DNAH8: variants seen among roughly 807,000 people sequenced by gnomAD.
DNAH8 encodes dynein axonemal heavy chain 8.
DNAH8 carries 382 observed loss-of-function variants against 562.1 expected under a neutral mutation model. That is an observed-to-expected ratio of 0.68 (90% CI 0.63 to 0.74). The LOEUF is 0.74. Ranked by LOEUF, DNAH8 falls within the 30% of genes least tolerant of loss-of-function variation. The pLI, the probability that DNAH8 is intolerant of heterozygous loss-of-function variation, is 0.00. For synonymous variants in DNAH8, 1,881 were observed against 1,919.4 expected (o/e 0.98, Z 0.52); for missense variants, 5,203 against 5,620.4 (o/e 0.93, Z 2.37).
At position 38,929,499 on chromosome 6, in the gene DNAH8, C is replaced by A. The variant is rs370228349; in HGVS notation, c.11119-12C>A. On this transcript the variant is annotated splice_polypyrimidine_tract_variant and intron_variant, in intron 74 of 92. Coordinates refer to ENST00000327475, the MANE Select transcript of DNAH8 (RefSeq NM_001206927.2). ...TGTAACACAGATAGACCAATGAGTT[C>A]TTTCTGTTTAGGTGACATCTCTGAA... 37 of 1,602,910 alleles carry A rather than the reference C, an allele frequency of 2.3e-5. No homozygotes were observed. Among genetic ancestry groups the A allele is most frequent in the Non-Finnish European group, 5.1e-6 (6 of 1,174,864 alleles).
chr6:38,862,439 C>T lies in DNAH8; in HGVS notation c.6291C>T (p.Gly2097=), dbSNP rs777408943. Residue 2097 remains glycine (G), a synonymous_variant, in exon 44 of 93, where the codon GGC becomes GGT. Transcript: ENST00000327475. ...GCTCAGATCAAATGGATTTCAGAGG[C>T]CTAGGAAGGATTTTCAAAGGCAAGT... ...FNCSDQMDFR[G]LGRIFKGLAQ... is the part of the protein sequence containing the mutation. 21 of 1,607,098 alleles carry T rather than the reference C, an allele frequency of 1.3e-5. No individual in the cohort carries two copies. Among genetic ancestry groups the T allele is most frequent in the Non-Finnish European group, 1.8e-5 (21 of 1,177,534 alleles).
At position 38,886,274 on chromosome 6, in the gene DNAH8, C is replaced by T. The variant is rs557529505; in HGVS notation, c.8260-517C>T. On this transcript the variant is annotated intron_variant, in intron 56 of 92. Transcript: ENST00000327475. ...AGATGGACCTGGAAAAAAAACAAGC[C>T]TCTGAAACCAAGAGAGGTAACATTT... Among the ~76,000 whole-genome samples the T allele has an allele frequency of 3.9e-5, 6 of 152,138 alleles. No individual in the cohort carries two copies. In the East Asian group the frequency reaches 1.2e-3, roughly 29 times the overall value.
At chr6:39,014,750 C>T (rs1320728278) in intron 91 of DNAH8, among the ~76,000 whole-genome samples, 1 of 152,036 alleles carries the variant, frequency 6.6e-6, no homozygotes, top group African/African-American at 2.4e-5. Context: ...AACAGGGAGA[C>T]CAGTGTGGCC....
At position 38,786,811 on chromosome 6, in the gene DNAH8, G is replaced by A. The variant is rs762609369; in HGVS notation, c.2442G>A (p.Leu814=). ...TGCGACATCCAGAAACAGGGAAGTT[G>A]CTGGTTAATTTCGATCCCAAAATTT... ...LFVRHPETGK[L]LVNFDPKILE... The change falls in exon 18 of 93, where the codon TTG becomes TTA. Residue 814 remains leucine, a synonymous_variant. Transcript: ENST00000327475. The A allele has an allele frequency of 1.2e-6, 2 of 1,612,602 alleles. No individual in the cohort carries two copies. Among genetic ancestry groups the A allele is most frequent in the African/African-American group, 1.3e-5 (1 of 74,836 alleles).
At chr6:38,779,920 A>G in intron 14 of DNAH8, 46 bp from the exon 15 acceptor site, 2 of 1,533,926 alleles carry the variant, frequency 1.3e-6, no homozygotes, top group South Asian at 2.3e-5. Context: ...AGTCTTAAGT[A>G]TATTTCTCAT....
At position 38,851,714 on chromosome 6, in the gene DNAH8, C is replaced by T. The variant is rs79589395; in HGVS notation, c.5466+40C>T. ...TCTGTGATCTAACTTGCTTTTCCCA[C>T]GACATACACAATGAAGAATAAAAGT... On this transcript the variant is annotated intron_variant, in intron 39 of 92. Transcript: ENST00000327475. 17,552 of 1,243,000 alleles carry T rather than the reference C, an allele frequency of 0.014. 843 individuals carry two copies. The highest frequency in any genetic ancestry group is 0.13 in the East Asian group (5,748 of 43,084). 77.0% of individuals were successfully genotyped at this position (1,243,000 alleles called of 1,614,324 possible).
At chr6:38,780,360 A>G (rs1768461835) in intron 15 of DNAH8, among the ~76,000 whole-genome samples, 1 of 152,234 alleles carries the variant, frequency 6.6e-6, no homozygotes, top group Admixed American at 6.5e-5. Context: ...AAGGAATACA[A>G]ATCATTCTGT....
At position 38,931,909 on chromosome 6, in the gene DNAH8, T is replaced by TA. The variant is rs746941720; in HGVS notation, c.11377dup (p.Thr3793AsnfsTer5). The TA allele has an allele frequency of 6.2e-7, 1 of 1,612,122 alleles. No individual in the cohort carries two copies. Among genetic ancestry groups the TA allele is most frequent in the African/African-American group, 1.3e-5 (1 of 74,812 alleles). On this transcript the variant is annotated frameshift_variant, in exon 76 of 93. Transcript: ENST00000327475. LOFTEE classifies it high-confidence loss of function. ...CTGCCTTTACCCCAGAGATTAATGCTAAAACGTCAGTCATTGATTTCACTG... is the reference window on the plus strand; with the variant it reads ...CTGCCTTTACCCCAGAGATTAATGCTAAAAACGTCAGTCATTGATTTCACTG...
At chr6:38,974,921 T>C (rs1417188619) in intron 85 of DNAH8, among the ~76,000 whole-genome samples, 1 of 152,218 alleles carries the variant, frequency 6.6e-6, no homozygotes, top group Non-Finnish European at 1.5e-5. Context: ...GTGCACCATC[T>C]CCTGTAATAC....
intron 86 of DNAH8, among the ~76,000 whole-genome samples, chr6:38,982,876 A>G (rs1488156895): frequency 6.6e-6 from 1 of 152,232 alleles, no homozygotes; most frequent in Non-Finnish European, 1.5e-5. Flanking sequence ...GAATAACAAT[A>G]CTTTCTAGTA....
In DNAH8 at chr6:38,787,010, T is replaced by A; in HGVS notation, c.2583+58T>A. On this transcript the variant is annotated intron_variant, in intron 18 of 92. Coordinates refer to ENST00000327475, the MANE Select transcript of DNAH8 (RefSeq NM_001206927.2). ...AAGGAGTTTTTTGGTAAAAAAAATA[T>A]GTATATATATATATATATCCCTGCA... 3 of 1,071,988 alleles carry A rather than the reference T, an allele frequency of 2.8e-6. 1 individual carries two copies. The highest frequency in any genetic ancestry group is 3.8e-6 in the Non-Finnish European group (3 of 781,800). 66.4% of individuals were successfully genotyped at this position (1,071,988 alleles called of 1,614,324 possible). A position where few individuals can be genotyped will look rare whatever the true frequency, so the allele number is the denominator to read the frequency against.
chr6:38,773,854 T>C (rs1767812317), intron 12 of DNAH8, among the ~76,000 whole-genome samples: 1 of 152,050 alleles, frequency 6.6e-6, no homozygotes, highest in Non-Finnish European at 1.5e-5. Flanking sequence ...GAGCCACAAG[T>C]GTGCACTAAG....
At chr6:38,854,658 C>T (rs1036597741) in intron 41 of DNAH8, among the ~76,000 whole-genome samples, 2 of 152,060 alleles carry the variant, frequency 1.3e-5, no homozygotes, top group South Asian at 2.1e-4. Flanking sequence ...ACTAAATCCA[C>T]GTATTTTCTT....
rs75677225 is a variant in DNAH8 at position 39,016,195 on chromosome 6, C to T, written c.13714+3558C>T. On this transcript the variant is annotated intron_variant, in intron 91 of 92. Coordinates refer to ENST00000327475, the MANE Select transcript of DNAH8 (RefSeq NM_001206927.2). The stretch of plus-strand genomic sequence containing the variant: ...TGGGTTTTATGTCCTCTAATTCAGT[C>T]CTCTTCAATGAAGTAATTTCTTTCT... Among the ~76,000 whole-genome samples the T allele has an allele frequency of 0.011, 1,692 of 152,248 alleles. 110 individuals carry two copies. In the East Asian group the frequency reaches 0.16, roughly 14 times the overall value.
chr6:38,735,887 C>T lies in DNAH8; in HGVS notation c.763-1180C>T, dbSNP rs370275681. On this transcript the variant is annotated intron_variant, in intron 5 of 92. Coordinates refer to ENST00000327475, the MANE Select transcript of DNAH8 (RefSeq NM_001206927.2). ...GTCGCAGTGGCTTACCCTGTACTCC[C>T]GGCACTTTGGGAAGCAGAGGCAGGC... 8.3e-4 allele frequency among the ~76,000 whole-genome samples: 127 copies of T among 152,228 alleles called. 3 individuals are homozygous for T. In the South Asian group the frequency reaches 0.023, roughly 28 times the overall value.
chr6:38,859,414 G>A (rs1564378), intron 42 of DNAH8, among the ~76,000 whole-genome samples: 41,103 of 151,994 alleles, frequency 0.27, 6,245 homozygotes, highest in East Asian at 0.66. Flanking sequence ...GCAAAAAGCA[G>A]GACTGTAAAT....
At chr6:39,028,901 C>T (rs771228408) in intron 92 of DNAH8, among the ~76,000 whole-genome samples, 2 of 151,914 alleles carry the variant, frequency 1.3e-5, no homozygotes, top group Non-Finnish European at 2.9e-5. Context: ...ACGGTGAGCC[C>T]CCACAGGGGG....
intron 12 of DNAH8, among the ~76,000 whole-genome samples, chr6:38,773,262 AC>A (rs1398068891): frequency 6.6e-6 from 1 of 151,540 alleles, no homozygotes; most frequent in East Asian, 1.9e-4. Flanking sequence ...AGTTACCCCT[AC>A]CCCTATTTTC....
At chr6:38,722,505 GTGGAGGGACAGTCCCC>G (rs1319534588) in intron 1 of DNAH8, among the ~76,000 whole-genome samples, 15 of 151,952 alleles carry the variant, frequency 9.9e-5, no homozygotes, top group Non-Finnish European at 2.1e-4. Flanking sequence ...TGGGATGTGT[GTGGAGGGACAGTCCCC>G]TAGAGCCATA....
Sources: gnomAD v4.1 joint callset for allele counts (sites outside exome capture counted in the v4.1 genomes callset) on GRCh38, gnomAD v4.1.1 for gene constraint, MANE v1.5 for transcripts, NCBI Gene and HGNC (gene_info 2026-07-23, HGNC 2026-07-21) for gene names.